Variants in BORCS5 observed in about 807,000 individuals in gnomAD.
The protein encoded by BORCS5 is BLOC-1-related complex subunit 5.
In BORCS5, 17 loss-of-function variants were observed where a neutral mutation model predicts 22.1. The observed-to-expected ratio is 0.77, with a 90% CI of 0.53 to 1.15. The LOEUF is 1.15. BORCS5 is among the 50% of genes most tolerant of loss of function. The probability of loss-of-function intolerance (pLI) is 0.00; values close to 1 mark genes in which losing one functional copy is unlikely to be tolerated. For missense variants in BORCS5, 247 were observed against 253.2 expected (o/e 0.98, Z 0.17); for synonymous variants, 117 against 99.8 (o/e 1.17, Z -1.03).
At chr12:12,401,784 A>C (rs529088578) in intron 2 of BORCS5, among the ~76,000 whole-genome samples, 17 of 152,198 alleles carry the variant, frequency 1.1e-4, no homozygotes, top group Non-Finnish European at 2.2e-4. Flanking sequence ...TAAGGCCAGG[A>C]GCGGTGGTTC....
At chr12:12,464,668 G>A (rs1943167515) in intron 3 of BORCS5, among the ~76,000 whole-genome samples, 1 of 152,248 alleles carries the variant, frequency 6.6e-6, no homozygotes, top group East Asian at 1.9e-4. Flanking sequence ...CAACACGATG[G>A]CGGTCTCTCT....
At chr12:12,399,549 A>G (rs1345939386) in intron 2 of BORCS5, among the ~76,000 whole-genome samples, 30 of 152,226 alleles carry the variant, frequency 2.0e-4, no homozygotes, top group Admixed American at 2.0e-3. Context: ...GAAAGACCAT[A>G]ACAAAGAAAC....
chr12:12,401,787 G>A (rs1255934838), intron 2 of BORCS5, among the ~76,000 whole-genome samples: 6 of 152,062 alleles, frequency 3.9e-5, no homozygotes, highest in African/African-American at 4.8e-5. Flanking sequence ...GGCCAGGAGC[G>A]GTGGTTCACG....
intron 2 of BORCS5, among the ~76,000 whole-genome samples, chr12:12,367,794 T>A (rs866660522): frequency 3.3e-5 from 5 of 152,252 alleles, no homozygotes; most frequent in Admixed American, 6.5e-5. Context: ...CATGCCTTTC[T>A]CTGAAACTTA....
chr12:12,391,116 T>G (rs534441909), intron 2 of BORCS5, among the ~76,000 whole-genome samples: 1 of 152,048 alleles, frequency 6.6e-6, no homozygotes, highest in African/African-American at 2.4e-5. Context: ...GTCAGTCTTG[T>G]TTTGTCACAC....
At chr12:12,450,661 T>C (rs1173993134) in intron 3 of BORCS5, among the ~76,000 whole-genome samples, 1 of 152,228 alleles carries the variant, frequency 6.6e-6, no homozygotes, top group Non-Finnish European at 1.5e-5. Flanking sequence ...ATGAGCTGAC[T>C]TTTGAATTAA....
intron 2 of BORCS5, among the ~76,000 whole-genome samples, chr12:12,408,908 A>G (rs920176769): frequency 3.3e-5 from 5 of 152,200 alleles, no homozygotes; most frequent in East Asian, 3.8e-4. Flanking sequence ...TGAGTGTACA[A>G]ATGTCTCTTT....
chr12:12,368,642 A>G (rs1863457050), intron 2 of BORCS5, among the ~76,000 whole-genome samples: 1 of 147,262 alleles, frequency 6.8e-6, no homozygotes, highest in Non-Finnish European at 1.5e-5. Context: ...ATGGGGTGTC[A>G]CTCTGTTGTC....
chr12:12,456,737 A>G, intron 3 of BORCS5, among the ~76,000 whole-genome samples: 1 of 152,072 alleles, frequency 6.6e-6, no homozygotes, highest in East Asian at 1.9e-4. Context: ...ACTTGTAGGT[A>G]AATAATGATT....
intron 3 of BORCS5, among the ~76,000 whole-genome samples, chr12:12,436,263 T>G (rs1465701007): frequency 6.6e-6 from 1 of 152,236 alleles, no homozygotes; most frequent in Non-Finnish European, 1.5e-5. Context: ...TGATTCTTAA[T>G]GGTTTTATGG....
At chr12:12,432,892 A>G (rs974208596) in intron 2 of BORCS5, among the ~76,000 whole-genome samples, 1 of 152,210 alleles carries the variant, frequency 6.6e-6, no homozygotes, top group African/African-American at 2.4e-5. Flanking sequence ...GGGGGATGAG[A>G]GAAAGAGTGG....
In BORCS5 at chr12:12,435,757, A is replaced by G. The variant is rs1942541675; in HGVS notation, c.332A>G (p.Gln111Arg). 2.5e-6 allele frequency: 4 copies of G among 1,613,790 alleles called. No individual in the cohort carries two copies. The highest frequency in any genetic ancestry group is 8.5e-7 in the Non-Finnish European group (1 of 1,179,874). ...HQCAEAVAFD[Q>R]NALVKRIKEM... Reference sequence around the variant, plus strand: ...TGTGCAGAGGCCGTTGCTTTTGACCAGAATGCTTTGGTTAAACGAATCAAA... The same window carrying G: ...TGTGCAGAGGCCGTTGCTTTTGACCGGAATGCTTTGGTTAAACGAATCAAA... The change falls in exon 3 of 4, where the codon CAG becomes CGG. Residue 111 changes from glutamine to arginine, a missense_variant. Gln to Arg is a conservative substitution (Grantham distance 43). Coordinates refer to ENST00000314565, the MANE Select transcript of BORCS5 (RefSeq NM_058169.6).
intron 2 of BORCS5, among the ~76,000 whole-genome samples, chr12:12,375,545 A>G (rs939230673): frequency 3.9e-5 from 6 of 152,212 alleles, no homozygotes; most frequent in Admixed American, 2.0e-4. Context: ...TCTTGATTCC[A>G]GGAGTTTGAG....
chr12:12,460,235 T>C (rs1419012793), intron 3 of BORCS5, among the ~76,000 whole-genome samples: 1 of 152,226 alleles, frequency 6.6e-6, no homozygotes, highest in Non-Finnish European at 1.5e-5. Context: ...CATATTTTGC[T>C]GAATTTTTCC....
At chr12:12,464,366 A>AT (rs560326996) in intron 3 of BORCS5, among the ~76,000 whole-genome samples, 1 of 151,696 alleles carries the variant, frequency 6.6e-6, no homozygotes, top group Non-Finnish European at 1.5e-5. Flanking sequence ...AAGGGAAATT[A>AT]TTTTTTCTTG....
intron 1 of BORCS5, among the ~76,000 whole-genome samples, chr12:12,358,400 A>G (rs894053744): frequency 1.3e-5 from 2 of 152,246 alleles, no homozygotes; most frequent in East Asian, 1.9e-4. Flanking sequence ...ACTAGTTCAG[A>G]CCTACATTCT....
rs537899041 is a variant in BORCS5, at chr12:12,381,073, G to A, written c.202+19724G>A. ...GTCGCCCAGGCTGGAGTGCACTGGCGCGATCTCAGCTCACTGCAAACTCCA... is the reference window on the plus strand; with the variant it reads ...GTCGCCCAGGCTGGAGTGCACTGGCACGATCTCAGCTCACTGCAAACTCCA... On this transcript the variant is annotated intron_variant, in intron 2 of 3. Coordinates refer to ENST00000314565, the MANE Select transcript of BORCS5 (RefSeq NM_058169.6). Among the ~76,000 whole-genome samples, 8 of 145,946 alleles carry A rather than the reference G, an allele frequency of 5.5e-5. No individual in the cohort carries two copies. The South Asian group carries it at 1.5e-3, about 28-fold the overall frequency.
chr12:12,375,664 A>T lies in BORCS5; in HGVS notation c.202+14315A>T, dbSNP rs530989556. The stretch of plus-strand genomic sequence containing the variant: ...AGTCATAGGTATTTAATAACGTTTA[A>T]ATATTTTTTCCATCAAAATTCAGTT... On this transcript the variant is annotated intron_variant, in intron 2 of 3. Coordinates refer to ENST00000314565, the MANE Select transcript of BORCS5 (RefSeq NM_058169.6). Among the ~76,000 whole-genome samples, 3 of 152,224 alleles carry T rather than the reference A, an allele frequency of 2.0e-5. No homozygotes were observed. In the South Asian group the frequency reaches 6.2e-4, roughly 32 times the overall value.
chr12:12,440,366 C>G (rs1471953504), intron 3 of BORCS5, among the ~76,000 whole-genome samples: 2 of 152,186 alleles, frequency 1.3e-5, no homozygotes, highest in Non-Finnish European at 2.9e-5. Flanking sequence ...TCAGCCAGCA[C>G]TGTTGAGCAG....
Sources: allele counts gnomAD v4.1 joint callset (sites outside exome capture counted in the v4.1 genomes callset), GRCh38; gene constraint gnomAD v4.1.1; transcripts MANE v1.5; gene names NCBI Gene and HGNC (gene_info 2026-07-23, HGNC 2026-07-21).